Variants in DOCK5 observed in about 807,000 individuals in gnomAD.
DOCK5 encodes the protein dedicator of cytokinesis protein 5.
Under a neutral mutation model 251.8 loss-of-function variants are expected in DOCK5, and 142 were observed. The ratio of observed to expected loss-of-function variants is 0.56; its 90% CI spans 0.49 to 0.65. The LOEUF (loss-of-function observed/expected upper bound fraction) is 0.65. DOCK5 is among the 30% of genes least tolerant of loss of function. DOCK5 has a pLI of 0.00. For missense variants in DOCK5, 2,111 were observed against 2,312.3 expected (o/e 0.91, Z 1.79); for synonymous variants, 842 against 835.5 (o/e 1.01, Z -0.13).
chr8:25,250,727 A>G (rs1032204455), intron 2 of DOCK5, among the ~76,000 whole-genome samples: 1 of 152,216 alleles, frequency 6.6e-6, no homozygotes, highest in Non-Finnish European at 1.5e-5. Flanking sequence ...AACCAAGTAA[A>G]CAAAGTAAGT....
At chr8:25,278,524 G>A in intron 4 of DOCK5, 45 bp from the exon 5 acceptor site, 5 of 1,585,230 alleles carry the variant, frequency 3.2e-6, no homozygotes, top group Non-Finnish European at 4.3e-6. Flanking sequence ...GTAAAGCAGT[G>A]CTGATCAGCC....
chr8:25,230,340 C>T (rs1410833977), intron 1 of DOCK5, among the ~76,000 whole-genome samples: 1 of 152,082 alleles, frequency 6.6e-6, no homozygotes, highest in East Asian at 1.9e-4. Flanking sequence ...AGGTTTGGGA[C>T]CTTGCAACCT....
At chr8:25,298,602 T>G (rs938727660) in intron 7 of DOCK5, among the ~76,000 whole-genome samples, 2 of 152,202 alleles carry the variant, frequency 1.3e-5, no homozygotes, top group African/African-American at 4.8e-5. Flanking sequence ...ATTTATTGAT[T>G]AATCAACTGA....
rs779896727 is a variant in DOCK5 at position 25,342,451 on chromosome 8, G to A, written c.2561G>A (p.Arg854Gln). Residue 854 changes from arginine to glutamine, a missense_variant, in exon 25 of 52, where the codon CGG (arginine) becomes CAG (glutamine). Arg to Gln is a conservative substitution (Grantham distance 43). This residue lies in a region of DOCK5 where 1,717 missense variants were observed against 1,892.4 expected (regional missense o/e 0.91). Coordinates refer to ENST00000276440, the MANE Select transcript of DOCK5 (RefSeq NM_024940.8). Reference protein sequence around the residue: ...IQSIPDNQLVRQKLNCMTKIV... With the variant: ...IQSIPDNQLVQQKLNCMTKIV... Reference sequence around the variant, plus strand: ...AGCATTCCTGACAACCAGCTGGTTCGGCAGAAACTTAACTGCATGACCAAG... The same window carrying A: ...AGCATTCCTGACAACCAGCTGGTTCAGCAGAAACTTAACTGCATGACCAAG... The A allele has an allele frequency of 6.2e-6, 10 of 1,601,354 alleles. No homozygotes were observed. The highest frequency in any genetic ancestry group is 5.1e-5 in the Admixed American group (3 of 58,726).
At chr8:25,273,749 G>T (rs373327319) in intron 3 of DOCK5, among the ~76,000 whole-genome samples, 7 of 152,164 alleles carry the variant, frequency 4.6e-5, no homozygotes, top group Non-Finnish European at 8.8e-5. Flanking sequence ...GAGGGGTGGC[G>T]CATTGAGAAA....
At chr8:25,317,332 T>C (rs1805281040) in intron 14 of DOCK5, 2 of 558,104 alleles carry the variant, frequency 3.6e-6, no homozygotes, top group Middle Eastern at 5.5e-4. Flanking sequence ...TAGACTCTTA[T>C]TTTTATATTT....
Position 25,390,258 on chromosome 8 carries a change from G to C in DOCK5, c.4326G>C (p.Lys1442Asn). The change falls in exon 42 of 52, where the codon AAG becomes AAC. Residue 1442 changes from lysine to asparagine, a missense_variant. Coordinates refer to ENST00000276440, the MANE Select transcript of DOCK5 (RefSeq NM_024940.8). ...KPVMSLPPSY[K>N]DKPVPEQILN... ...TGATGAGCTTGCCGCCCAGCTACAA[G>C]GATAAACCTGTTCCAGAGCAGATCT... 1 of 1,589,862 alleles carries C rather than the reference G, an allele frequency of 6.3e-7. No homozygotes were observed. Among genetic ancestry groups the C allele is most frequent in the Non-Finnish European group, 8.6e-7 (1 of 1,167,746 alleles).
At chr8:25,312,660 G>C (rs982998618) in intron 13 of DOCK5, among the ~76,000 whole-genome samples, 3 of 151,758 alleles carry the variant, frequency 2.0e-5, no homozygotes, top group Non-Finnish European at 4.4e-5. Context: ...TTACTCAGGA[G>C]GCTGAGGCAG....
At chr8:25,245,479 T>G (rs907502016) in intron 2 of DOCK5, among the ~76,000 whole-genome samples, 1 of 152,170 alleles carries the variant, frequency 6.6e-6, no homozygotes, top group Non-Finnish European at 1.5e-5. Flanking sequence ...AGTTCAATTT[T>G]TCTAACTCTT....
chr8:25,242,307 A>G (rs1018839883), intron 1 of DOCK5, among the ~76,000 whole-genome samples: 11 of 152,130 alleles, frequency 7.2e-5, no homozygotes, highest in Non-Finnish European at 1.3e-4. Context: ...ATGTAGACAC[A>G]TGGCTTCATT....
chr8:25,255,750 G>A (rs1803403883), intron 2 of DOCK5, among the ~76,000 whole-genome samples: 1 of 152,232 alleles, frequency 6.6e-6, no homozygotes, highest in South Asian at 2.1e-4. Context: ...TATGTTGATA[G>A]CAGGGATGTC....
intron 9 of DOCK5, 95 bp downstream of exon 9, chr8:25,300,752 A>G (rs1586308743): frequency 7.5e-7 from 1 of 1,330,860 alleles, no homozygotes; most frequent in East Asian, 2.6e-5. Context: ...TGAAAAGATG[A>G]AAGGAAAAAT....
intron 2 of DOCK5, among the ~76,000 whole-genome samples, chr8:25,254,710 G>C (rs1048389013): frequency 1.4e-5 from 2 of 140,894 alleles, no homozygotes; most frequent in African/African-American, 5.2e-5. Context: ...GGGAGGCAGA[G>C]GTTGCAGTGA....
intron 11 of DOCK5, among the ~76,000 whole-genome samples, chr8:25,307,787 G>A (rs1804984747): frequency 6.6e-6 from 1 of 152,194 alleles, no homozygotes; most frequent in African/African-American, 2.4e-5. Context: ...TCACTGTGCA[G>A]CCAACAGCCG....
intron 48 of DOCK5, among the ~76,000 whole-genome samples, chr8:25,406,115 T>C (rs184530464): frequency 1.5e-3 from 233 of 152,078 alleles, no homozygotes; most frequent in Non-Finnish European, 2.6e-3. Flanking sequence ...CCCGCCACCA[T>C]GCCCGACTAA....
chr8:25,239,499 T>C (rs1802889477), intron 1 of DOCK5, among the ~76,000 whole-genome samples: 2 of 151,956 alleles, frequency 1.3e-5, no homozygotes, highest in African/African-American at 2.4e-5. Context: ...ACACAATGCA[T>C]TGTGACTCAG....
chr8:25,246,715 T>C (rs867265198), intron 2 of DOCK5, among the ~76,000 whole-genome samples: 1,907 of 119,382 alleles, frequency 0.016, 99 homozygotes, highest in African/African-American at 0.073. Context: ...TGTGTGTGTG[T>C]GTGTGTGTGT....
intron 7 of DOCK5, 85 bp from the exon 8 acceptor site, chr8:25,298,859 G>A (rs896042202): frequency 2.2e-6 from 3 of 1,393,616 alleles, no homozygotes; most frequent in Non-Finnish European, 2.9e-6. Context: ...GCCATTTGCA[G>A]GCTTATTTAT....
intron 22 of DOCK5, among the ~76,000 whole-genome samples, chr8:25,339,484 C>T (rs1386466512): frequency 6.6e-6 from 1 of 152,088 alleles, no homozygotes; most frequent in East Asian, 1.9e-4. Flanking sequence ...GAAATCAACC[C>T]CTAAATGAAG....
Sources: allele counts gnomAD v4.1 joint callset (sites outside exome capture counted in the v4.1 genomes callset), GRCh38; gene constraint gnomAD v4.1.1; regional missense constraint gnomAD v4.1.1; transcripts MANE v1.5; gene names NCBI Gene and HGNC (gene_info 2026-07-23, HGNC 2026-07-21).